ACTR3C: variants seen among roughly 807,000 people sequenced by gnomAD.
ACTR3C encodes actin related protein 3C, also known as actin-related protein 3C.
Under a neutral mutation model 26.3 loss-of-function variants are expected in ACTR3C, and 18 were observed. The observed-to-expected ratio is 0.68, with a 90% CI of 0.47 to 1.01. ACTR3C has a LOEUF of 1.01. ACTR3C is among the 50% of genes least tolerant of loss of function. The pLI is 0.00. For missense variants in ACTR3C, 184 were observed against 250.7 expected (o/e 0.73, Z 1.80); for synonymous variants, 55 against 94.5 (o/e 0.58, Z 2.42).
chr7:150,048,241 A>G, the ACTR3C span, among the ~76,000 whole-genome samples: 1 of 151,838 alleles, frequency 6.6e-6, no homozygotes, highest in Non-Finnish European at 1.5e-5. Flanking sequence ...AGAATTTGGC[A>G]CCACCTAGAA....
chr7:150,236,450 A>G, the ACTR3C span, among the ~76,000 whole-genome samples: 45 of 152,324 alleles, frequency 3.0e-4, no homozygotes, highest in East Asian at 8.7e-3. Context: ...TCATGAACCA[A>G]TTGCCAGTAA....
chr7:150,299,162 T>C (rs1231421494), intron 1 of ACTR3C, among the ~76,000 whole-genome samples: 1 of 151,690 alleles, frequency 6.6e-6, no homozygotes, highest in Admixed American at 6.6e-5. Context: ...TTTGTATTTT[T>C]AGTAGAGACA....
chr7:150,295,278 C>G lies in ACTR3C; in HGVS notation c.19G>C (p.Val7Leu), dbSNP rs965866859. 4.1e-5 allele frequency: 66 copies of G among 1,613,856 alleles called. No individual in the cohort carries two copies. The Admixed American group carries it at 1.1e-3, about 27-fold the overall frequency. Reference sequence around the variant, plus strand: ...TGAACTGCAATGTAGAGTCCTGGAACGTTAAATGATTCGAACATAATTTCT... The same window carrying G: ...TGAACTGCAATGTAGAGTCCTGGAAGGTTAAATGATTCGAACATAATTTCT... MFESFN[V>L]PGLYIAVQAV... The change falls in exon 2 of 8, where the codon GTT becomes CTT. Residue 7 changes from valine (V) to leucine (L), a missense_variant. Transcript: ENST00000683684.
At chr7:150,067,163 T>A in the ACTR3C span, among the ~76,000 whole-genome samples, 2 of 152,226 alleles carry the variant, frequency 1.3e-5, no homozygotes, top group South Asian at 4.1e-4. Context: ...ATACAAAGAA[T>A]GAACATTCCT....
the ACTR3C span, among the ~76,000 whole-genome samples, chr7:150,040,069 CA>C: frequency 1.2e-3 from 159 of 137,742 alleles, 12 homozygotes; most frequent in Middle Eastern, 7.2e-3. Flanking sequence ...TGCCTCCCCC[CA>C]CTGCGATGGG....
At chr7:149,959,667 T>C in the ACTR3C span, among the ~76,000 whole-genome samples, 2 of 152,198 alleles carry the variant, frequency 1.3e-5, no homozygotes, top group Non-Finnish European at 2.9e-5. Flanking sequence ...CAGAGGCAGA[T>C]GTGGCTGAGT....
intron 3 of ACTR3C, among the ~76,000 whole-genome samples, chr7:150,292,925 A>C (rs1317487999): frequency 3.3e-5 from 5 of 152,240 alleles, no homozygotes; most frequent in African/African-American, 9.7e-5. Context: ...TCAACATCCA[A>C]AACGGTGTCT....
chr7:150,008,623 C>T, the ACTR3C span, among the ~76,000 whole-genome samples: 1 of 151,276 alleles, frequency 6.6e-6, no homozygotes, highest in Non-Finnish European at 1.5e-5. Context: ...CATCACTGTG[C>T]CTCTATTCTA....
the ACTR3C span, among the ~76,000 whole-genome samples, chr7:150,197,115 T>C: frequency 4.2e-4 from 64 of 152,334 alleles, no homozygotes; most frequent in Non-Finnish European, 6.9e-4. Context: ...GAGTCCAGGC[T>C]GAGTCCAGCA....
chr7:150,112,086 T>C, the ACTR3C span, among the ~76,000 whole-genome samples: 3 of 149,088 alleles, frequency 2.0e-5, no homozygotes, highest in Non-Finnish European at 4.5e-5. Context: ...TGATTTCCTA[T>C]CCACGCTGAG....
the ACTR3C span, among the ~76,000 whole-genome samples, chr7:150,016,898 C>T: frequency 6.6e-6 from 1 of 152,112 alleles, no homozygotes. Context: ...GTTAAACATT[C>T]TTACATAAGA....
At chr7:150,135,853 A>AGAAAAG in the ACTR3C span, among the ~76,000 whole-genome samples, 167 of 150,902 alleles carry the variant, frequency 1.1e-3, 2 homozygotes, top group Non-Finnish European at 2.0e-3. Flanking sequence ...AAGGGAAGAA[A>AGAAAAG]GAAAAGGAAA....
chr7:150,322,879 T>A (rs1797691700), intron 1 of ACTR3C: 1 of 152,320 alleles, frequency 6.6e-6, no homozygotes, highest in South Asian at 2.1e-4. Context: ...TAGATGAGCC[T>A]TCCACGCGGG....
intron 1 of ACTR3C, among the ~76,000 whole-genome samples, chr7:150,306,481 CTG>C (rs1795814222): frequency 6.6e-6 from 1 of 152,166 alleles, no homozygotes; most frequent in Admixed American, 6.5e-5. Context: ...AGGTGGGAAT[CTG>C]TGATTTGTTT....
At chr7:150,170,305 G>A in the ACTR3C span, among the ~76,000 whole-genome samples, 1 of 150,844 alleles carries the variant, frequency 6.6e-6, no homozygotes, top group East Asian at 1.9e-4. Flanking sequence ...TAGTGTTCTT[G>A]TAACCCAGTT....
the ACTR3C span, among the ~76,000 whole-genome samples, chr7:150,101,643 A>G: frequency 6.6e-6 from 1 of 151,688 alleles, no homozygotes. Context: ...TTAGCGCTTC[A>G]CCTGGAAGGA....
the ACTR3C span, among the ~76,000 whole-genome samples, chr7:150,196,963 C>T: frequency 4.6e-5 from 7 of 152,192 alleles, no homozygotes; most frequent in African/African-American, 1.7e-4. Context: ...TATATTACTG[C>T]TGATTCTCTG....
the ACTR3C span, among the ~76,000 whole-genome samples, chr7:150,004,208 G>C: frequency 6.6e-6 from 1 of 151,742 alleles, no homozygotes; most frequent in African/African-American, 2.4e-5. Flanking sequence ...GTTATGTGGT[G>C]TGTTATGTTG....
chr7:150,001,475 G>A, the ACTR3C span: 12 of 152,406 alleles, frequency 7.9e-5, no homozygotes, highest in African/African-American at 2.6e-4. Context: ...TTTCTGCCAC[G>A]TGCTCAGAGA....
Sources: gnomAD v4.1 joint callset for allele counts (sites outside exome capture counted in the v4.1 genomes callset) on GRCh38, gnomAD v4.1.1 for gene constraint, MANE v1.5 for transcripts, NCBI Gene and HGNC (gene_info 2026-07-23, HGNC 2026-07-21) for gene names.